GALNS: variants seen among roughly 807,000 people sequenced by gnomAD.
GALNS encodes the protein galactosamine (N-acetyl)-6-sulfatase, also known as N-acetylgalactosamine-6-sulfatase.
Under a neutral mutation model 65.9 loss-of-function variants are expected in GALNS, and 65 were observed. The observed-to-expected ratio is 0.99, with a 90% confidence interval of 0.81 to 1.21. GALNS has a LOEUF of 1.21. Among genes scored for constraint, GALNS ranks in the 50% most tolerant of loss-of-function variants. The probability of loss-of-function intolerance (pLI) is 0.00; values close to 1 mark genes in which losing one functional copy is unlikely to be tolerated. For missense variants in GALNS, 776 were observed against 700.7 expected (o/e 1.11, Z -1.21); for synonymous variants, 346 against 288.9 (o/e 1.20, Z -2.00).
intron 1 of GALNS, among the ~76,000 whole-genome samples, chr16:88,853,149 G>A (rs1967586380): frequency 1.3e-5 from 2 of 151,238 alleles, no homozygotes; most frequent in African/African-American, 4.9e-5. Flanking sequence ...TACTCGGGAG[G>A]CTGAGGCAGG....
At position 88,856,898 on chromosome 16, in the gene GALNS, AG is replaced by A; in HGVS notation, c.-22del. On this transcript the variant is annotated 5_prime_UTR_variant, in exon 1 of 14. Coordinates refer to ENST00000268695, the MANE Select transcript of GALNS (RefSeq NM_000512.5). ...GCCATGGCAACCACGGGAGCCGCGG[AG>A]CCCCGGCCAGCGAGCCGACCTAGCG... 6.7e-7 allele frequency: 1 copy of A among 1,499,364 alleles called. No homozygotes were observed. Among genetic ancestry groups the A allele is most frequent in the Non-Finnish European group, 8.8e-7 (1 of 1,132,766 alleles). 92.9% of individuals were successfully genotyped at this position (1,499,364 alleles called of 1,614,324 possible). A position where few individuals can be genotyped will look rare whatever the true frequency, so the allele number is the denominator to read the frequency against.
At chr16:88,819,637 A>G (rs1388755224) in intron 12 of GALNS, among the ~76,000 whole-genome samples, 1 of 152,186 alleles carries the variant, frequency 6.6e-6, no homozygotes, top group African/African-American at 2.4e-5. Flanking sequence ...GGCTCAAGCG[A>G]TCTTCCTGCC....
At chr16:88,853,701 G>A (rs921644743) in intron 1 of GALNS, among the ~76,000 whole-genome samples, 2 of 152,168 alleles carry the variant, frequency 1.3e-5, no homozygotes, top group South Asian at 4.1e-4. Context: ...GAGCAGAGTG[G>A]GCCACGCAGG....
In GALNS at chr16:88,826,294, C is replaced by T. The variant is rs182915234; in HGVS notation, c.1139+408G>A. ...CTGCAGGCAGGGAACAGGGGTGGGG[C>T]GGACAGGGGCGGCGTGTGTCTGGGT... On this transcript the variant is annotated intron_variant, in intron 10 of 13. Coordinates refer to ENST00000268695, the MANE Select transcript of GALNS (RefSeq NM_000512.5). Among the ~76,000 whole-genome samples the T allele has an allele frequency of 9.8e-3, 1,151 of 117,290 alleles. 5 individuals carry two copies. The highest frequency in any genetic ancestry group is 0.016 in the East Asian group (64 of 4,118). 76.9% of individuals were successfully genotyped at this position (117,290 alleles called of 152,430 possible).
intron 13 of GALNS, chr16:88,816,893 G>C: frequency 1.0e-6 from 1 of 985,430 alleles, no homozygotes; most frequent in Non-Finnish European, 1.2e-6. Flanking sequence ...AGGGGCTGTG[G>C]GCAGCCACGC....
chr16:88,816,442 G>A, intron 13 of GALNS: 1 of 985,444 alleles, frequency 1.0e-6, no homozygotes, highest in Non-Finnish European at 1.2e-6. Context: ...GAGTCCAGAG[G>A]CGGGGACGCC....
chr16:88,830,844 T>C (rs1597556563), intron 9 of GALNS, among the ~76,000 whole-genome samples: 1 of 151,920 alleles, frequency 6.6e-6, no homozygotes. Context: ...GTTCTCTGAG[T>C]GTCCTTAGGA....
At chr16:88,839,703 G>A (rs1304508472) in intron 4 of GALNS, among the ~76,000 whole-genome samples, 1 of 152,236 alleles carries the variant, frequency 6.6e-6, no homozygotes, top group Admixed American at 6.5e-5. Flanking sequence ...TGCACCATGT[G>A]CGGGAGGAGC....
At chr16:88,830,306 C>T (rs554866929) in intron 9 of GALNS, among the ~76,000 whole-genome samples, 4 of 149,214 alleles carry the variant, frequency 2.7e-5, no homozygotes, top group Admixed American at 6.7e-5. Flanking sequence ...CTGGCTTTGA[C>T]GGTGGAGGGG....
At chr16:88,850,191 C>T (rs1029696623) in intron 1 of GALNS, among the ~76,000 whole-genome samples, 5 of 152,158 alleles carry the variant, frequency 3.3e-5, no homozygotes, top group Admixed American at 1.3e-4. Flanking sequence ...CAGTATGTTT[C>T]GCCCGTTACA....
chr16:88,821,847 C>A (rs752005544), intron 12 of GALNS, among the ~76,000 whole-genome samples: 1 of 152,162 alleles, frequency 6.6e-6, no homozygotes, highest in South Asian at 2.1e-4. Context: ...AGGACCAACT[C>A]GATAGGGCAG....
chr16:88,849,671 G>A (rs1028455458), intron 1 of GALNS, among the ~76,000 whole-genome samples: 4 of 152,068 alleles, frequency 2.6e-5, no homozygotes, highest in African/African-American at 9.7e-5. Context: ...CAGTCCACCC[G>A]CCTCCACCTC....
chr16:88,825,175 G>A lies in GALNS; in HGVS notation c.1140-306C>T, dbSNP rs866218023. Among the ~76,000 whole-genome samples, 58 of 144,596 alleles carry A rather than the reference G, an allele frequency of 4.0e-4. 1 individual carries two copies. Among genetic ancestry groups the A allele is most frequent in the African/African-American group, 1.4e-3 (53 of 37,008 alleles). The allele number at this position is 144,596 out of a possible 152,430, so 94.9% of individuals were successfully genotyped here. A position where few individuals can be genotyped will look rare whatever the true frequency, so the allele number is the denominator to read the frequency against. On this transcript the variant is annotated intron_variant, in intron 10 of 13. Transcript: ENST00000268695. ...GGTGACTGGGTGTTTGGGCGGCCGGGGCTGGGGTGACTGGGTGTCTAGGGT... is the reference window on the plus strand; with the variant it reads ...GGTGACTGGGTGTTTGGGCGGCCGGAGCTGGGGTGACTGGGTGTCTAGGGT...
intron 10 of GALNS, among the ~76,000 whole-genome samples, chr16:88,825,485 G>A (rs1424149693): frequency 3.5e-5 from 5 of 142,590 alleles, no homozygotes; most frequent in Admixed American, 1.4e-4. Context: ...GTGTCTGGGC[G>A]GCCGGGGCTG....
At chr16:88,847,103 CTCT>C (rs985014852) in intron 1 of GALNS, among the ~76,000 whole-genome samples, 6 of 152,258 alleles carry the variant, frequency 3.9e-5, no homozygotes, top group Admixed American at 3.9e-4. Context: ...CCACCCGCAG[CTCT>C]TAAGCACACT....
intron 4 of GALNS, among the ~76,000 whole-genome samples, chr16:88,839,102 C>T (rs1056901866): frequency 5.3e-5 from 8 of 152,238 alleles, no homozygotes; most frequent in South Asian, 2.1e-4. Flanking sequence ...AGGGGACACT[C>T]GTGCGTCCAC....
intron 11 of GALNS, among the ~76,000 whole-genome samples, chr16:88,824,125 CAT>C (rs1371787852): frequency 6.6e-6 from 1 of 152,126 alleles, no homozygotes; most frequent in Non-Finnish European, 1.5e-5. Flanking sequence ...GCAGGGGGTT[CAT>C]ATCTCAAGAC....
rs1384132870 is a variant in GALNS, at chr16:88,856,922, G to C, written c.-45C>G. The C allele has an allele frequency of 6.7e-7, 1 of 1,483,058 alleles. No homozygotes were observed. The highest frequency in any genetic ancestry group is 2.3e-5 in the Admixed American group (1 of 43,380). The allele number at this position is 1,483,058 out of a possible 1,614,324, so 91.9% of individuals were successfully genotyped here. On this transcript the variant is annotated 5_prime_UTR_variant, in exon 1 of 14. Coordinates refer to ENST00000268695, the MANE Select transcript of GALNS (RefSeq NM_000512.5). ...GAGCCCCGGCCAGCGAGCCGACCTA[G>C]CGAGCGTCCGCCGGCCCTTCCGGCT...
Position 88,835,844 on chromosome 16 carries a change from G to C in GALNS, c.639C>G (p.Ala213=), listed in dbSNP as rs772871454. Reference sequence around the variant, plus strand: ...GTGCCTGTCTCTTAATGAAGTCCAGGGCTTCCTATGGAGAGAGCCACACCG... The same window carrying C: ...GTGCCTGTCTCTTAATGAAGTCCAGCGCTTCCTATGGAGAGAGCCACACCG... The part of the protein sequence containing the change: ...ANLTQIYLQE[A]LDFIKRQARH... Residue 213 remains alanine, a synonymous_variant, in exon 7 of 14, where the codon GCC becomes GCG. Transcript: ENST00000268695. 2 of 1,614,056 alleles carry C rather than the reference G, an allele frequency of 1.2e-6. No individual in the cohort carries two copies. The highest frequency in any genetic ancestry group is 1.7e-6 in the Non-Finnish European group (2 of 1,180,020).
Sources: allele counts gnomAD v4.1 joint callset (sites outside exome capture counted in the v4.1 genomes callset), GRCh38; gene constraint gnomAD v4.1.1; transcripts MANE v1.5; gene names NCBI Gene and HGNC (gene_info 2026-07-23, HGNC 2026-07-21).